STAG1: variants seen among roughly 807,000 people sequenced by gnomAD.
STAG1 encodes STAG1 cohesin complex component.
STAG1 carries 26 observed loss-of-function variants against 170.9 expected under a neutral mutation model. The ratio of observed to expected loss-of-function variants is 0.15; its 90% CI spans 0.11 to 0.21. The LOEUF is 0.21. STAG1 is among the 10% of genes least tolerant of loss of function. The pLI, the probability that STAG1 is intolerant of heterozygous loss-of-function variation, is 1.00. For missense variants in STAG1, 964 were observed against 1,509.5 expected (o/e 0.64, Z 5.99); for synonymous variants, 514 against 497.7 (o/e 1.03, Z -0.44).
intron 3 of STAG1, among the ~76,000 whole-genome samples, chr3:136,608,474 T>C (rs1264452698): frequency 1.3e-5 from 2 of 150,078 alleles, no homozygotes; most frequent in African/African-American, 4.9e-5. Flanking sequence ...GAGTCTGCAG[T>C]GAGCCGTGAT....
intron 3 of STAG1, among the ~76,000 whole-genome samples, chr3:136,605,952 A>G (rs868494115): frequency 2.6e-5 from 4 of 152,152 alleles, no homozygotes; most frequent in Non-Finnish European, 4.4e-5. Context: ...CACTTCTGTT[A>G]GTAGTTAATG....
At position 136,509,247 on chromosome 3, in the gene STAG1, G is replaced by A. The variant is rs369136395; in HGVS notation, c.677-6468C>T. Among the ~76,000 whole-genome samples, 9 of 152,216 alleles carry A rather than the reference G, an allele frequency of 5.9e-5. No homozygotes were observed. In the East Asian group the frequency reaches 7.7e-4, roughly 13 times the overall value. ...TCTTTCGACTATCCCGATTAAACAG[G>A]CAAGATAATCAGCTAAATGTGAAGA... On this transcript the variant is annotated intron_variant, in intron 7 of 33. Coordinates refer to ENST00000383202, the MANE Select transcript of STAG1 (RefSeq NM_005862.3).
intron 1 of STAG1, among the ~76,000 whole-genome samples, chr3:136,690,089 A>C (rs1330169686): frequency 2.0e-5 from 3 of 151,342 alleles, no homozygotes; most frequent in Non-Finnish European, 4.4e-5. Context: ...AGTAAAGAAA[A>C]GAGAGAAAAA....
At chr3:136,502,131 T>A (rs969244715) in intron 8 of STAG1, among the ~76,000 whole-genome samples, 1 of 151,768 alleles carries the variant, frequency 6.6e-6, no homozygotes, top group African/African-American at 2.4e-5. Flanking sequence ...TGAGTTGAGA[T>A]CGCACCATTG....
At chr3:136,471,239 G>C (rs567428674) in intron 12 of STAG1, among the ~76,000 whole-genome samples, 1 of 151,832 alleles carries the variant, frequency 6.6e-6, no homozygotes, top group African/African-American at 2.4e-5. Context: ...CTTTAAAAAA[G>C]ATGAGAATTC....
chr3:136,384,821 T>C (rs1008613406), intron 22 of STAG1, among the ~76,000 whole-genome samples: 5 of 150,770 alleles, frequency 3.3e-5, no homozygotes, highest in Non-Finnish European at 5.9e-5. Flanking sequence ...TACTCAAATA[T>C]ATTTATATAT....
intron 1 of STAG1, among the ~76,000 whole-genome samples, chr3:136,697,985 T>C (rs1942947431): frequency 6.6e-6 from 1 of 151,744 alleles, no homozygotes; most frequent in African/African-American, 2.4e-5. Context: ...AAATACACAT[T>C]ATAACTATAT....
At chr3:136,354,378 T>C (rs1560052886) in intron 28 of STAG1, among the ~76,000 whole-genome samples, 1 of 152,156 alleles carries the variant, frequency 6.6e-6, no homozygotes, top group African/African-American at 2.4e-5. Flanking sequence ...CTGCGACCTC[T>C]GCCCCTGGGG....
chr3:136,667,395 A>AAGAT lies in STAG1; in HGVS notation c.-83-36418_-83-36415dup, dbSNP rs371424112. On this transcript the variant is annotated intron_variant, in intron 1 of 33. Transcript: ENST00000383202. Reference sequence around the variant, plus strand: ...AAACCCCATCTCTTAACAAAAAAGAAAGATAGATAGATAGATAGACAGACA... The same window carrying AAGAT: ...AAACCCCATCTCTTAACAAAAAAGAAAGATAGATAGATAGATAGATAGACAGACA... Among the ~76,000 whole-genome samples, 584 of 152,316 alleles carry AAGAT rather than the reference A, an allele frequency of 3.8e-3. 6 individuals are homozygous for AAGAT. The highest frequency in any genetic ancestry group is 0.013 in the African/African-American group (534 of 41,560).
At chr3:136,466,145 T>C (rs2089452061) in intron 12 of STAG1, among the ~76,000 whole-genome samples, 1 of 152,156 alleles carries the variant, frequency 6.6e-6, no homozygotes, top group Non-Finnish European at 1.5e-5. Context: ...AGAACAAAGC[T>C]GGACGGAGAA....
At chr3:136,415,669 T>C (rs1458018871) in intron 21 of STAG1, among the ~76,000 whole-genome samples, 1 of 151,998 alleles carries the variant, frequency 6.6e-6, no homozygotes, top group Non-Finnish European at 1.5e-5. Context: ...AAACCTCGTC[T>C]CCACTAAAAC....
intron 4 of STAG1, among the ~76,000 whole-genome samples, chr3:136,579,866 G>A (rs1291508958): frequency 6.7e-6 from 1 of 148,744 alleles, no homozygotes; most frequent in Non-Finnish European, 1.5e-5. Context: ...TGCCAGAGGA[G>A]AAAAAAGCTA....
At chr3:136,634,407 G>T (rs1940467679) in intron 1 of STAG1, among the ~76,000 whole-genome samples, 1 of 151,594 alleles carries the variant, frequency 6.6e-6, no homozygotes, top group Non-Finnish European at 1.5e-5. Flanking sequence ...TAATGGGGGG[G>T]TCCCCAATTC....
rs1045330533 is a variant in STAG1 at position 136,336,369 on chromosome 3, C to A, written c.*1885G>T. 4 of 152,188 alleles carry A rather than the reference C, an allele frequency of 2.6e-5. No individual in the cohort carries two copies. The highest frequency in any genetic ancestry group is 5.9e-5 in the Non-Finnish European group (4 of 68,024). 9.4% of individuals were successfully genotyped at this position (152,188 alleles called of 1,614,324 possible). ...ACCAATCAAGGAGACACCGAAAATA[C>A]AAAAATTTGATTGACTTCAAACTGA... On this transcript the variant is annotated 3_prime_UTR_variant, in exon 34 of 34. Transcript: ENST00000383202.
chr3:136,358,012 G>A (rs1445742840), intron 27 of STAG1, among the ~76,000 whole-genome samples, 164 bp from the exon 28 acceptor site: 1 of 151,642 alleles, frequency 6.6e-6, no homozygotes, highest in Non-Finnish European at 1.5e-5. Context: ...ACATATTTGT[G>A]TATATTTATA....
At position 136,498,499 on chromosome 3, in the gene STAG1, A is replaced by G. The variant is rs1156652919; in HGVS notation, c.902+1724T>C. 4.0e-5 allele frequency among the ~76,000 whole-genome samples: 6 copies of G among 151,878 alleles called. No homozygotes were observed. The East Asian group carries it at 5.8e-4, about 15-fold the overall frequency. On this transcript the variant is annotated intron_variant, in intron 9 of 33. Transcript: ENST00000383202. ...CTTGAGGATGATGGAAAGGTAGAAC[A>G]ACAGGAAGGGAGGTAGAAAGGAGTT...
chr3:136,397,455 C>CT (rs34980781), intron 22 of STAG1, among the ~76,000 whole-genome samples: 59,895 of 149,526 alleles, frequency 0.4, 13,401 homozygotes, highest in East Asian at 0.81. Flanking sequence ...TTTTTTCTTT[C>CT]TTTTTTTTTT....
intron 10 of STAG1, among the ~76,000 whole-genome samples, chr3:136,474,250 A>T (rs1360022892): frequency 1.3e-5 from 2 of 152,210 alleles, no homozygotes; most frequent in Non-Finnish European, 2.9e-5. Context: ...AATCTAGACA[A>T]GTCTCTCAAA....
chr3:136,418,036 G>T, intron 20 of STAG1, 64 bp from the exon 21 acceptor site: 2 of 1,197,294 alleles, frequency 1.7e-6, no homozygotes, highest in Non-Finnish European at 1.2e-6. Flanking sequence ...TTTGAGCTCA[G>T]TTCAGGTGAG....
Sources: allele counts gnomAD v4.1 joint callset (sites outside exome capture counted in the v4.1 genomes callset), GRCh38; gene constraint gnomAD v4.1.1; transcripts MANE v1.5; gene names NCBI Gene and HGNC (gene_info 2026-07-23, HGNC 2026-07-21).